The following MYO18B variants were observed in gnomAD, a reference collection of about 807,000 sequenced individuals.
The protein encoded by MYO18B is myosin XVIIIB.
Under a neutral mutation model 273.0 loss-of-function variants are expected in MYO18B, and 204 were observed. The ratio of observed to expected loss-of-function variants is 0.75; its 90% confidence interval spans 0.67 to 0.84. The LOEUF (loss-of-function observed/expected upper bound fraction) is 0.84, where lower values mean the gene tolerates loss of function less well. MYO18B is among the 40% of genes least tolerant of loss of function. The probability of loss-of-function intolerance (pLI) is 0.00; values close to 1 mark genes in which losing one functional copy is unlikely to be tolerated. For missense variants in MYO18B, 3,212 were observed against 3,287.6 expected (o/e 0.98, Z 0.56); for synonymous variants, 1,330 against 1,305.7 (o/e 1.02, Z -0.40).
Position 25,768,342 on chromosome 22 carries a change from C to T in MYO18B, c.426C>T (p.Val142=). The part of the protein sequence containing the change: ...GSSATPTKKT[V]PFKRGVRRGD... ...GTGCGACACCAACCAAAAAGACTGT[C>T]CCCTTCAAGAGGGGCGTGAGGAGGG... Residue 142 remains valine, a synonymous_variant, in exon 4 of 44, where the codon GTC becomes GTT. Coordinates refer to ENST00000335473, the MANE Select transcript of MYO18B (RefSeq NM_032608.7). 6.2e-7 allele frequency: 1 copy of T among 1,613,688 alleles called. No homozygotes were observed. Among genetic ancestry groups the T allele is most frequent in the Non-Finnish European group, 8.5e-7 (1 of 1,179,748 alleles).
Position 25,865,672 on chromosome 22 carries a change from A to G in MYO18B, c.3886-2648A>G, listed in dbSNP as rs373525415. ...CGGAGTAAAGCACTTCCCCAAGGCC[A>G]CACAGTTTATGGAGTGATAAAACCA... On this transcript the variant is annotated intron_variant, in intron 21 of 43. Coordinates refer to ENST00000335473, the MANE Select transcript of MYO18B (RefSeq NM_032608.7). 5.9e-5 allele frequency among the ~76,000 whole-genome samples: 9 copies of G among 152,200 alleles called. No individual in the cohort carries two copies. In the East Asian group the frequency reaches 9.6e-4, roughly 16 times the overall value.
intron 25 of MYO18B, among the ~76,000 whole-genome samples, chr22:25,879,798 G>T (rs2091290440): frequency 6.6e-6 from 1 of 152,180 alleles, no homozygotes; most frequent in South Asian, 2.1e-4. Flanking sequence ...TGGCTGGGGA[G>T]CCCTTAGGAA....
chr22:26,005,696 A>C (rs1569287701), intron 42 of MYO18B, among the ~76,000 whole-genome samples: 1 of 152,210 alleles, frequency 6.6e-6, no homozygotes, highest in Non-Finnish European at 1.5e-5. Context: ...CAGAAGGCCC[A>C]ATATGATAAG....
chr22:25,853,818 T>C (rs1211197141), intron 21 of MYO18B, among the ~76,000 whole-genome samples: 1 of 152,094 alleles, frequency 6.6e-6, no homozygotes, highest in Non-Finnish European at 1.5e-5. Flanking sequence ...TGGTTGGGAA[T>C]TTTTGCTTCT....
Position 26,026,547 on chromosome 22 carries a change from T to C in MYO18B, c.6573T>C (p.Pro2191=). Residue 2191 remains proline (P), a synonymous_variant, in exon 43 of 44, where the codon CCT becomes CCC. Coordinates refer to ENST00000335473, the MANE Select transcript of MYO18B (RefSeq NM_032608.7). ...ACAGCAAGACCTCAGGAGACAAGCCTGTTTCTCCCCACTTTGTCCGCCGGC... is the reference window on the plus strand; with the variant it reads ...ACAGCAAGACCTCAGGAGACAAGCCCGTTTCTCCCCACTTTGTCCGCCGGC... ...NVHSKTSGDK[P]VSPHFVRRQK... 6.2e-7 allele frequency: 1 copy of C among 1,613,928 alleles called. No homozygotes were observed. The highest frequency in any genetic ancestry group is 8.5e-7 in the Non-Finnish European group (1 of 1,179,886).
intron 39 of MYO18B, among the ~76,000 whole-genome samples, chr22:25,956,319 G>A (rs961357224): frequency 1.3e-5 from 2 of 151,404 alleles, no homozygotes; most frequent in South Asian, 2.1e-4. Flanking sequence ...AGGTTCAAGC[G>A]ATTCTCGTGG....
rs1284225194 is a variant in MYO18B, at chr22:25,847,572, C to T, written c.3695C>T (p.Pro1232Leu). Residue 1232 changes from proline (P) to leucine (L), a missense_variant, in exon 20 of 44, where the codon CCT becomes CTT. Transcript: ENST00000335473. ...AGAGACAAGCCTGGGGCAGGTGGAC[C>T]TCTGGCCCTGGATATCCCAGCACTG... ...PGRDKPGAGG[P>L]LALDIPALRV... is the part of the protein sequence containing the mutation. 2 of 1,567,910 alleles carry T rather than the reference C, an allele frequency of 1.3e-6. No homozygotes were observed. The highest frequency in any genetic ancestry group is 2.4e-5 in the South Asian group (2 of 84,886).
intron 1 of MYO18B, among the ~76,000 whole-genome samples, chr22:25,748,862 T>G (rs1245243621): frequency 6.6e-6 from 1 of 152,254 alleles, no homozygotes; most frequent in Admixed American, 6.5e-5. Context: ...ATCTGTGTGC[T>G]GGGCAAAGTC....
chr22:25,961,908 C>T (rs186257752), intron 39 of MYO18B, among the ~76,000 whole-genome samples: 12 of 152,148 alleles, frequency 7.9e-5, no homozygotes, highest in African/African-American at 2.2e-4. Context: ...TTGAAAACAG[C>T]CTTCCACTTC....
At position 25,774,166 on chromosome 22, in the gene MYO18B, G is replaced by A. The variant is rs539406119; in HGVS notation, c.1869+1656G>A. Among the ~76,000 whole-genome samples, 6 of 152,248 alleles carry A rather than the reference G, an allele frequency of 3.9e-5. No homozygotes were observed. In the East Asian group the frequency reaches 1.2e-3, roughly 29 times the overall value. The stretch of plus-strand genomic sequence containing the variant: ...TAAATCCATTAAAGGGGATATAGTG[G>A]GCCTGTACCCCTCTCTCCAAGATTT... On this transcript the variant is annotated intron_variant, in intron 7 of 43. Coordinates refer to ENST00000335473, the MANE Select transcript of MYO18B (RefSeq NM_032608.7).
In MYO18B at chr22:25,846,128, C is replaced by T. The variant is rs775800465; in HGVS notation, c.3397C>T (p.Arg1133Trp). 4.3e-5 allele frequency: 69 copies of T among 1,592,850 alleles called. No homozygotes were observed. Among genetic ancestry groups the T allele is most frequent in the Middle Eastern group, 3.5e-4 (2 of 5,720 alleles). ...GGAGCTGCGGAGTCTATTCCAGGCCCGGGCCAAGCTGCCTCCTGTGTGCCG... is the reference window on the plus strand; with the variant it reads ...GGAGCTGCGGAGTCTATTCCAGGCCTGGGCCAAGCTGCCTCCTGTGTGCCG... Reference protein sequence around the residue: ...REELRSLFQARAKLPPVCRAV... With the variant: ...REELRSLFQAWAKLPPVCRAV... Residue 1133 changes from arginine (R) to tryptophan (W), a missense_variant, in exon 19 of 44, where the codon CGG (arginine) becomes TGG (tryptophan). Coordinates refer to ENST00000335473, the MANE Select transcript of MYO18B (RefSeq NM_032608.7).
the MYO18B span, among the ~76,000 whole-genome samples, chr22:26,047,544 A>T: frequency 6.6e-6 from 1 of 152,152 alleles, no homozygotes; most frequent in Non-Finnish European, 1.5e-5. Flanking sequence ...ACCGGTTACC[A>T]CCATGATCTA....
intron 11 of MYO18B, among the ~76,000 whole-genome samples, chr22:25,790,919 A>G (rs1164603364): frequency 2.0e-5 from 3 of 152,112 alleles, no homozygotes; most frequent in Non-Finnish European, 4.4e-5. Context: ...GGGTCCTCAA[A>G]TCTGGGCTGA....
At chr22:25,865,476 T>C (rs2090859141) in intron 21 of MYO18B, among the ~76,000 whole-genome samples, 1 of 152,226 alleles carries the variant, frequency 6.6e-6, no homozygotes, top group African/African-American at 2.4e-5. Flanking sequence ...TGCAGCACTG[T>C]TCCAAGGTTT....
At chr22:25,824,802 T>C (rs1421322032) in intron 13 of MYO18B, among the ~76,000 whole-genome samples, 6 of 151,920 alleles carry the variant, frequency 3.9e-5, no homozygotes, top group Non-Finnish European at 7.4e-5. Context: ...CCCAGAAGCA[T>C]ACACACACAT....
chr22:25,759,231 A>G (rs1307912652), intron 1 of MYO18B, among the ~76,000 whole-genome samples: 1 of 152,210 alleles, frequency 6.6e-6, no homozygotes, highest in East Asian at 1.9e-4. Context: ...ACATATACAC[A>G]TGTATGTTTA....
chr22:25,769,515 G>C, intron 4 of MYO18B, 87 bp downstream of exon 4: 1 of 1,245,810 alleles, frequency 8.0e-7, no homozygotes, highest in Non-Finnish European at 1.1e-6. Flanking sequence ...CCCAGGGATG[G>C]ACAAGGGGTG....
intron 41 of MYO18B, among the ~76,000 whole-genome samples, chr22:26,003,713 C>A (rs5761351): frequency 6.6e-6 from 1 of 152,092 alleles, no homozygotes; most frequent in Non-Finnish European, 1.5e-5. Flanking sequence ...CCCAAAATTC[C>A]GTTCTTCAGT....
chr22:26,032,882 G>T (rs1193774150), downstream of MYO18B, among the ~76,000 whole-genome samples: 2 of 152,070 alleles, frequency 1.3e-5, no homozygotes, highest in Non-Finnish European at 2.9e-5. Flanking sequence ...ATGAGTTTTA[G>T]GGGTTCACAA....
Sources: gnomAD v4.1 joint callset for allele counts (sites outside exome capture counted in the v4.1 genomes callset) on GRCh38, gnomAD v4.1.1 for gene constraint, MANE v1.5 for transcripts, NCBI Gene and HGNC (gene_info 2026-07-23, HGNC 2026-07-21) for gene names.